IL2RB: variants seen among roughly 807,000 people sequenced by gnomAD.
IL2RB encodes interleukin-2 receptor subunit beta.
In IL2RB, 17 loss-of-function variants were observed where a neutral mutation model predicts 44.2. The observed-to-expected ratio is 0.38, with a 90% confidence interval of 0.26 to 0.58. The LOEUF is 0.58. Ranked by LOEUF, IL2RB falls within the 20% of genes least tolerant of loss-of-function variation. The pLI, the probability that IL2RB is intolerant of heterozygous loss-of-function variation, is 0.63. For synonymous variants in IL2RB, 286 were observed against 297.9 expected (o/e 0.96, Z 0.41); for missense variants, 624 against 685.5 (o/e 0.91, Z 1.00).
chr22:37,143,009 G>A (rs1344637993), intron 3 of IL2RB, among the ~76,000 whole-genome samples: 1 of 151,364 alleles, frequency 6.6e-6, no homozygotes, highest in Non-Finnish European at 1.5e-5. Flanking sequence ...ACCCCATCAA[G>A]CCTACCTGGG....
intron 1 of IL2RB, among the ~76,000 whole-genome samples, chr22:37,148,175 G>T (rs909844429): frequency 6.6e-6 from 1 of 151,892 alleles, no homozygotes; most frequent in East Asian, 1.9e-4. Flanking sequence ...GCTTCCCGCC[G>T]CCTGGAGCTC....
In IL2RB at chr22:37,128,624, C is replaced by T; in HGVS notation, c.1128G>A (p.Glu376=). The stretch of plus-strand genomic sequence containing the variant: ...CGTAAGTAAAGTACACCTGGCAGGC[C>T]TCTATCTCCAAGGCATCCGGGAGGT... ...FFHLPDALEI[E]ACQVYFTYDP... Residue 376 remains glutamate (E), a synonymous_variant, in exon 10 of 10, where the codon GAG becomes GAA. Coordinates refer to ENST00000216223, the MANE Select transcript of IL2RB (RefSeq NM_000878.5). The surrounding 1 kb of genome is among the most constrained non-coding windows in gnomAD (Gnocchi z 4.5). The T allele has an allele frequency of 6.2e-7, 1 of 1,614,126 alleles. No homozygotes were observed. The highest frequency in any genetic ancestry group is 8.5e-7 in the Non-Finnish European group (1 of 1,179,986).
chr22:37,137,085 C>A (rs1265480340), intron 6 of IL2RB, among the ~76,000 whole-genome samples: 2 of 152,190 alleles, frequency 1.3e-5, no homozygotes, highest in South Asian at 4.1e-4. Flanking sequence ...TGCCTGCCTG[C>A]CCTGCCCCAG....
Position 37,149,853 on chromosome 22 carries a change from C to T in IL2RB, c.-62G>A, listed in dbSNP as rs544580076. On this transcript the variant is annotated 5_prime_UTR_variant, in exon 1 of 10. Transcript: ENST00000216223. ...GCTGAGACATGGGGCGGTGGCAGCG[C>T]GCGCTCTCCAGTCCTCCCCGGTGCT... 6 of 985,682 alleles carry T rather than the reference C, an allele frequency of 6.1e-6. No homozygotes were observed. Among genetic ancestry groups the T allele is most frequent in the East Asian group, 1.1e-4 (1 of 8,810 alleles). The allele number at this position is 985,682 out of a possible 1,614,324, so 61.1% of individuals were successfully genotyped here. A position where few individuals can be genotyped will look rare whatever the true frequency, so the allele number is the denominator to read the frequency against.
chr22:37,162,942 C>T (rs1467112542), intron 1 of IL2RB, among the ~76,000 whole-genome samples: 2 of 152,216 alleles, frequency 1.3e-5, no homozygotes, highest in Non-Finnish European at 2.9e-5. Flanking sequence ...TTCTTCCCTT[C>T]GGTTCCACTT....
intron 1 of IL2RB, among the ~76,000 whole-genome samples, chr22:37,158,337 C>G (rs975335168): frequency 3.9e-5 from 6 of 152,008 alleles, no homozygotes; most frequent in Non-Finnish European, 7.4e-5. Flanking sequence ...ATCACGAGGT[C>G]AGGAGATCGA....
intron 1 of IL2RB, among the ~76,000 whole-genome samples, chr22:37,145,429 C>T (rs1922176763): frequency 6.8e-6 from 1 of 146,960 alleles, no homozygotes; most frequent in African/African-American, 2.5e-5. Flanking sequence ...TATTTATTTA[C>T]TTTTTTTTTT....
rs1393638393 is a variant in IL2RB, at chr22:37,141,217, A to T, written c.282+1217T>A. Among the ~76,000 whole-genome samples the T allele has an allele frequency of 6.6e-6, 1 of 151,392 alleles. No homozygotes were observed. The highest frequency in any genetic ancestry group is 2.4e-5 in the African/African-American group (1 of 41,046). ...TGGCCACAGAGCCAGGTGTCCCTGC[A>T]CTCTCAGGGGCCCTGGTCCAAACCC... On this transcript the variant is annotated intron_variant, in intron 4 of 9. Coordinates refer to ENST00000216223, the MANE Select transcript of IL2RB (RefSeq NM_000878.5). The surrounding 1 kb of genome is among the most constrained non-coding windows in gnomAD (Gnocchi z 4.4).
chr22:37,137,838 C>G, intron 5 of IL2RB, 103 bp from the exon 6 acceptor site: 1 of 1,024,002 alleles, frequency 9.8e-7, no homozygotes, highest in Non-Finnish European at 1.5e-6. Context: ...ACCTCCCCTA[C>G]CCCCCGACCC....
upstream of IL2RB, among the ~76,000 whole-genome samples, chr22:37,153,187 G>A (rs200707923): frequency 6.6e-5 from 10 of 151,942 alleles, no homozygotes. Context: ...CACCTCCCTC[G>A]GCCTCCCAAA....
intron 8 of IL2RB, 89 bp from the exon 9 acceptor site, chr22:37,132,557 C>T (rs1229924460): frequency 8.3e-6 from 7 of 841,934 alleles, no homozygotes; most frequent in Non-Finnish European, 1.4e-5. Flanking sequence ...GGATGCCAGG[C>T]ACGGAGCCGC....
chr22:37,134,801 A>G (rs1316924981), intron 8 of IL2RB, among the ~76,000 whole-genome samples: 1 of 152,044 alleles, frequency 6.6e-6, no homozygotes, highest in Admixed American at 6.6e-5. Context: ...GCCTTCCCCC[A>G]CTGGGCCGTG....
At chr22:37,166,785 G>C (rs989313562) in intron 1 of IL2RB, 2 of 152,200 alleles carry the variant, frequency 1.3e-5, no homozygotes, top group African/African-American at 4.8e-5. Flanking sequence ...GCGTGACCAC[G>C]CTGGACCGTG....
At chr22:37,135,547 G>T in intron 7 of IL2RB, 105 bp from the exon 8 acceptor site, 2 of 686,822 alleles carry the variant, frequency 2.9e-6, no homozygotes, top group South Asian at 1.7e-5. Context: ...TGCCACGCAG[G>T]CCTGCGTCTG....
intron 4 of IL2RB, among the ~76,000 whole-genome samples, chr22:37,140,768 C>T (rs1319626179): frequency 6.6e-6 from 1 of 152,192 alleles, no homozygotes; most frequent in Non-Finnish European, 1.5e-5. Flanking sequence ...CTCATATGGA[C>T]ATGGCCATAT....
intron 4 of IL2RB, among the ~76,000 whole-genome samples, chr22:37,139,745 A>C (rs1234458555): frequency 6.6e-6 from 1 of 152,244 alleles, no homozygotes; most frequent in Non-Finnish European, 1.5e-5. Context: ...TTCTGGAAGA[A>C]AATGGCCAGG....
intron 5 of IL2RB, 102 bp from the exon 6 acceptor site, chr22:37,137,837 A>G (rs1290934442): frequency 9.8e-7 from 1 of 1,015,470 alleles, no homozygotes; most frequent in Non-Finnish European, 1.5e-6. Context: ...CACCTCCCCT[A>G]CCCCCCGACC....
At chr22:37,163,861 G>A (rs552658016) in intron 1 of IL2RB, among the ~76,000 whole-genome samples, 1 of 152,348 alleles carries the variant, frequency 6.6e-6, no homozygotes, top group South Asian at 2.1e-4. Context: ...CCCTCTTACT[G>A]GGCCAGGCTG....
At chr22:37,153,561 C>G (rs900784974), upstream of IL2RB, among the ~76,000 whole-genome samples, 1 of 152,222 alleles carries the variant, frequency 6.6e-6, no homozygotes. Flanking sequence ...CTGCCCTTCC[C>G]TCTCCTCTAG....
Sources: gnomAD v4.1 joint callset for allele counts (sites outside exome capture counted in the v4.1 genomes callset) on GRCh38, gnomAD v4.1.1 for gene constraint, Gnocchi (gnomAD v3.1) non-coding constraint, MANE v1.5 for transcripts, NCBI Gene and HGNC (gene_info 2026-07-23, HGNC 2026-07-21) for gene names.